The following KIFC3 variants were observed in gnomAD, a reference collection of about 807,000 sequenced individuals.
The protein encoded by KIFC3 is kinesin-like protein KIFC3.
Under a neutral mutation model 101.8 loss-of-function variants are expected in KIFC3, and 60 were observed. That is an observed-to-expected ratio of 0.59 (90% CI 0.48 to 0.73). KIFC3 has a LOEUF of 0.73. KIFC3 is among the 30% of genes least tolerant of loss of function. The probability of loss-of-function intolerance (pLI) is 0.00; values close to 1 mark genes in which losing one functional copy is unlikely to be tolerated. For synonymous variants in KIFC3, 476 were observed against 482.7 expected (o/e 0.99, Z 0.18); for missense variants, 966 against 1,137.1 (o/e 0.85, Z 2.16).
chr16:57,850,971 TTCCTTCCTTCCTTCC>T (rs2056043260), intron 1 of KIFC3, among the ~76,000 whole-genome samples: 1 of 139,922 alleles, frequency 7.1e-6, no homozygotes, highest in Non-Finnish European at 1.5e-5. Flanking sequence ...CCTTCCTTCC[TTCCTTCCTTCCTTCC>T]TTCCTTCCTT....
intron 2 of KIFC3, 94 bp from the exon 3 acceptor site, chr16:57,795,235 C>T (rs2054194845): frequency 2.8e-6 from 4 of 1,439,814 alleles, no homozygotes; most frequent in Middle Eastern, 1.9e-4. Flanking sequence ...CTGAGCTCAG[C>T]TTTCACACAT....
At chr16:57,832,210 G>C (rs782075369) in intron 1 of KIFC3, among the ~76,000 whole-genome samples, 4 of 151,386 alleles carry the variant, frequency 2.6e-5, no homozygotes, top group Admixed American at 6.6e-5. Flanking sequence ...TGGTAGAGAC[G>C]GGGTTTCACC....
chr16:57,810,016 T>G (rs531440191), intron 1 of KIFC3, among the ~76,000 whole-genome samples: 1 of 152,220 alleles, frequency 6.6e-6, no homozygotes, highest in East Asian at 1.9e-4. Context: ...TGCCTGCTGT[T>G]AAGCCCTCAG....
intron 1 of KIFC3, among the ~76,000 whole-genome samples, chr16:57,823,761 T>TTGTGTGTGTGTATG (rs2055401888): frequency 7.3e-6 from 1 of 136,716 alleles, no homozygotes; most frequent in Admixed American, 7.6e-5. Context: ...CCCGGCTACT[T>TTGTGTGTGTGTATG]TGTGTGTGTG....
chr16:57,786,187 A>AC (rs1301829858), intron 3 of KIFC3, among the ~76,000 whole-genome samples: 24 of 152,182 alleles, frequency 1.6e-4, no homozygotes, highest in African/African-American at 5.3e-4. Context: ...GGACAGACAG[A>AC]CCAGGACACA....
At chr16:57,759,661 G>T in intron 18 of KIFC3, 67 bp downstream of exon 18, 1 of 1,225,976 alleles carries the variant, frequency 8.2e-7, no homozygotes, top group South Asian at 1.4e-5. Flanking sequence ...AGCCCATCCA[G>T]GTAAGGGCAG....
chr16:57,840,112 C>T (rs1174901500), intron 1 of KIFC3, among the ~76,000 whole-genome samples: 8 of 152,080 alleles, frequency 5.3e-5, no homozygotes, highest in Admixed American at 1.3e-4. Context: ...CCAAGGTAGG[C>T]GGATCACCTG....
chr16:57,815,640 A>G (rs1215657642), intron 1 of KIFC3: 2 of 1,289,752 alleles, frequency 1.6e-6, no homozygotes, highest in African/African-American at 1.5e-5. Flanking sequence ...CGGAGGCTCC[A>G]AAAACGTAAG....
chr16:57,778,063 G>A (rs7198719), intron 3 of KIFC3, among the ~76,000 whole-genome samples: 10,221 of 152,254 alleles, frequency 0.067, 400 homozygotes, highest in South Asian at 0.092. Context: ...AGGAGTGCTC[G>A]AGCCCAGGAG....
At chr16:57,851,113 G>T (rs1241946535) in intron 1 of KIFC3, among the ~76,000 whole-genome samples, 1 of 151,834 alleles carries the variant, frequency 6.6e-6, no homozygotes, top group Non-Finnish European at 1.5e-5. Flanking sequence ...TAGGCTCCAG[G>T]CATCCTCCCA....
chr16:57,813,613 C>A, intron 1 of KIFC3: 1 of 903,416 alleles, frequency 1.1e-6, no homozygotes, highest in African/African-American at 1.8e-5. Context: ...AACCTGCATG[C>A]CTGCCGAGTG....
chr16:57,814,335 C>G (rs527462783), intron 1 of KIFC3, among the ~76,000 whole-genome samples: 1 of 152,292 alleles, frequency 6.6e-6, no homozygotes, highest in Non-Finnish European at 1.5e-5. Context: ...CCTTAGCTCA[C>G]CTAGCACTGG....
chr16:57,830,799 C>A (rs546787029), intron 1 of KIFC3, among the ~76,000 whole-genome samples: 1 of 152,246 alleles, frequency 6.6e-6, no homozygotes, highest in Admixed American at 6.5e-5. Flanking sequence ...GAAACAAAAT[C>A]ATTGATGCCA....
At chr16:57,792,256 T>C (rs925012557) in intron 3 of KIFC3, among the ~76,000 whole-genome samples, 2 of 152,192 alleles carry the variant, frequency 1.3e-5, no homozygotes, top group African/African-American at 4.8e-5. Context: ...ATAGCCCTGG[T>C]GTCAGTCCTC....
At chr16:57,759,313 G>A (rs1391025250) in intron 18 of KIFC3, 160 bp from the exon 19 acceptor site, 3 of 836,766 alleles carry the variant, frequency 3.6e-6, no homozygotes, top group South Asian at 1.7e-5. Context: ...TCCTGTGGCG[G>A]GGCTCACTCC....
intron 3 of KIFC3, among the ~76,000 whole-genome samples, chr16:57,787,097 A>G (rs187517229): frequency 3.9e-5 from 6 of 152,318 alleles, no homozygotes; most frequent in Admixed American, 3.9e-4. Context: ...AGTGAGTGAG[A>G]TCAGACGGAT....
At chr16:57,822,958 TCC>T (rs36039965) in intron 1 of KIFC3, among the ~76,000 whole-genome samples, 3 of 151,494 alleles carry the variant, frequency 2.0e-5, no homozygotes, top group Non-Finnish European at 2.9e-5. Context: ...AATTCTAAGG[TCC>T]CCCCCAACCA....
chr16:57,768,884 C>T (rs1490504856), intron 9 of KIFC3, among the ~76,000 whole-genome samples: 2 of 152,108 alleles, frequency 1.3e-5, no homozygotes, highest in Non-Finnish European at 2.9e-5. Flanking sequence ...AAGACTGTAT[C>T]GGCCAGTCAT....
upstream of KIFC3, chr16:57,803,135 T>A: frequency 9.3e-7 from 1 of 1,072,610 alleles, no homozygotes; most frequent in Non-Finnish European, 1.4e-6. Context: ...AGCAAATGAA[T>A]ATCTTCCCAG....
Sources: gnomAD v4.1 joint callset for allele counts (sites outside exome capture counted in the v4.1 genomes callset) on GRCh38, gnomAD v4.1.1 for gene constraint, MANE v1.5 for transcripts, NCBI Gene and HGNC (gene_info 2026-07-23, HGNC 2026-07-21) for gene names.